KAZN: variants seen among roughly 807,000 people sequenced by gnomAD.
KAZN encodes the protein kazrin.
In KAZN, 40 loss-of-function variants were observed where a neutral mutation model predicts 87.4. The ratio of observed to expected loss-of-function variants is 0.46; its 90% CI spans 0.36 to 0.60. The LOEUF is 0.60. Ranked by LOEUF, KAZN falls within the 20% of genes least tolerant of loss-of-function variation. The pLI, the probability that KAZN is intolerant of heterozygous loss-of-function variation, is 0.00. For missense variants in KAZN, 898 were observed against 1,073.9 expected, an observed-to-expected ratio of 0.84 and a Z score of 2.29; for synonymous variants, 466 against 458.3, an observed-to-expected ratio of 1.02 and a Z score of -0.22.
intron 1 of KAZN, among the ~76,000 whole-genome samples, chr1:14,668,614 C>T (rs939137706): frequency 2.0e-5 from 3 of 152,104 alleles, no homozygotes; most frequent in Non-Finnish European, 4.4e-5. Context: ...CTTCCTCTCT[C>T]TTCTTCTCTG....
chr1:14,305,139 A>G (rs1654833276), intron 2 of KAZN, among the ~76,000 whole-genome samples: 1 of 152,112 alleles, frequency 6.6e-6, no homozygotes, highest in Non-Finnish European at 1.5e-5. Flanking sequence ...ACCTGGGTTG[A>G]ATTCAGCATT....
chr1:14,689,065 C>T (rs569977491), intron 1 of KAZN, among the ~76,000 whole-genome samples: 15 of 152,130 alleles, frequency 9.9e-5, no homozygotes, highest in South Asian at 2.1e-4. Context: ...CATGGTGGTG[C>T]GTGCCTGAAA....
chr1:14,581,861 CAT>C (rs1675572727), intron 2 of KAZN, among the ~76,000 whole-genome samples: 2 of 152,160 alleles, frequency 1.3e-5, no homozygotes, highest in Non-Finnish European at 2.9e-5. Flanking sequence ...CCAACCATCT[CAT>C]ATAAAATAGA....
chr1:14,779,815 C>T (rs889042088), intron 1 of KAZN, among the ~76,000 whole-genome samples: 1 of 152,148 alleles, frequency 6.6e-6, no homozygotes, highest in African/African-American at 2.4e-5. Context: ...TACCAGTGAC[C>T]TCTCCCAAAG....
chr1:13,973,509 C>A (rs10927974), intron 1 of KAZN, among the ~76,000 whole-genome samples: 31,448 of 152,002 alleles, frequency 0.21, 3,519 homozygotes, highest in East Asian at 0.37. Context: ...TCTGATCAGG[C>A]AGTCCCCTTC....
intron 2 of KAZN, among the ~76,000 whole-genome samples, chr1:14,244,713 A>C (rs13374349): frequency 0.26 from 39,273 of 151,796 alleles, 5,320 homozygotes; most frequent in East Asian, 0.47. Context: ...GCAAGTACAA[A>C]GGCCCTGAGG....
At chr1:13,898,590 G>C (rs998589736) in intron 1 of KAZN, among the ~76,000 whole-genome samples, 1 of 152,190 alleles carries the variant, frequency 6.6e-6, no homozygotes, top group Non-Finnish European at 1.5e-5. Context: ...GGGAGATGAG[G>C]ACAGGAAGGT....
intron 2 of KAZN, among the ~76,000 whole-genome samples, chr1:14,484,324 T>C (rs1669236556): frequency 6.6e-6 from 1 of 152,174 alleles, no homozygotes; most frequent in Non-Finnish European, 1.5e-5. Context: ...TCTTGAAAAT[T>C]GCTAAGAAAG....
At chr1:14,837,552 T>G (rs1484626564) in intron 1 of KAZN, among the ~76,000 whole-genome samples, 1 of 117,796 alleles carries the variant, frequency 8.5e-6, no homozygotes, top group Non-Finnish European at 1.6e-5. Context: ...GCTGTATAAT[T>G]TTTTTTTTTT....
chr1:14,524,367 G>C (rs969126819), intron 2 of KAZN, among the ~76,000 whole-genome samples: 4 of 152,064 alleles, frequency 2.6e-5, no homozygotes, highest in African/African-American at 4.8e-5. Context: ...TGGAAGCATG[G>C]AGGCAGGGTC....
chr1:14,954,537 G>A (rs1252951540), intron 1 of KAZN, among the ~76,000 whole-genome samples: 2 of 152,242 alleles, frequency 1.3e-5, no homozygotes, highest in African/African-American at 4.8e-5. Context: ...CAACAGGAGA[G>A]CTTCGTGCAG....
chr1:14,477,581 G>A (rs1012791504), intron 2 of KAZN, among the ~76,000 whole-genome samples: 2 of 151,788 alleles, frequency 1.3e-5, no homozygotes, highest in African/African-American at 2.4e-5. Flanking sequence ...TGATTCCCTC[G>A]GGGCTGCCAG....
At chr1:14,681,978 G>A (rs922864934) in intron 1 of KAZN, among the ~76,000 whole-genome samples, 1 of 151,752 alleles carries the variant, frequency 6.6e-6, no homozygotes, top group South Asian at 2.1e-4. Context: ...GAGCCACCGC[G>A]CCCGGCCCAT....
At chr1:14,354,853 C>T (rs959228296) in intron 2 of KAZN, among the ~76,000 whole-genome samples, 3 of 151,922 alleles carry the variant, frequency 2.0e-5, no homozygotes, top group African/African-American at 2.4e-5. Context: ...TAGGTATTTA[C>T]CAAAGAGAAA....
intron 1 of KAZN, among the ~76,000 whole-genome samples, chr1:14,831,266 AC>A (rs1442890134): frequency 6.6e-6 from 1 of 152,030 alleles, no homozygotes; most frequent in Non-Finnish European, 1.5e-5. Context: ...CACAGAGAAA[AC>A]CCTCGGTTGT....
In KAZN at chr1:13,924,991, G is replaced by A. The variant is rs532501656; in HGVS notation, c.91+31235G>A. On this transcript the variant is annotated intron_variant, in intron 1 of 16. Transcript: ENST00000636203. ...TCAGTGATTTTTAGTATATTCACAG[G>A]TGTATGCCACCATCAACAAAGTCAA... 6.0e-4 allele frequency among the ~76,000 whole-genome samples: 92 copies of A among 152,250 alleles called. No homozygotes were observed. In the South Asian group the frequency reaches 0.019, roughly 31 times the overall value.
At chr1:14,328,876 G>A (rs1023694755) in intron 2 of KAZN, among the ~76,000 whole-genome samples, 2 of 151,240 alleles carry the variant, frequency 1.3e-5, no homozygotes, top group African/African-American at 4.9e-5. Context: ...TGCAAAATAT[G>A]TTGGGAGGGT....
chr1:14,226,140 T>C (rs1647277103), intron 2 of KAZN, among the ~76,000 whole-genome samples: 1 of 151,752 alleles, frequency 6.6e-6, no homozygotes, highest in South Asian at 2.1e-4. Flanking sequence ...TGGGAGAAAA[T>C]ATTTGCAAAC....
At chr1:14,372,767 C>T (rs1159563225) in intron 2 of KAZN, among the ~76,000 whole-genome samples, 3 of 152,198 alleles carry the variant, frequency 2.0e-5, no homozygotes, top group Non-Finnish European at 2.9e-5. Context: ...ACTATGCATT[C>T]ATTTATTCAC....
Sources: gnomAD v4.1 joint callset for allele counts (sites outside exome capture counted in the v4.1 genomes callset) on GRCh38, gnomAD v4.1.1 for gene constraint, MANE v1.5 for transcripts, NCBI Gene and HGNC (gene_info 2026-07-23, HGNC 2026-07-21) for gene names.